The following ARHGEF9 variants were observed in gnomAD, a reference collection of about 807,000 sequenced individuals.
ARHGEF9 encodes Cdc42 guanine nucleotide exchange factor 9.
In ARHGEF9, 2 loss-of-function variants were observed where a neutral mutation model predicts 41.3. That is an observed-to-expected ratio of 0.05 (90% CI 0.02 to 0.15). The LOEUF (loss-of-function observed/expected upper bound fraction) is 0.15, where lower values mean the gene tolerates loss of function less well. Ranked by LOEUF, ARHGEF9 falls within the 10% of genes least tolerant of loss-of-function variation. ARHGEF9 has a pLI of 1.00. For synonymous variants in ARHGEF9, 160 were observed against 154.4 expected, an observed-to-expected ratio of 1.04 and a Z score of -0.27; for missense variants, 225 against 424.7, an observed-to-expected ratio of 0.53 and a Z score of 4.13.
intron 1 of ARHGEF9, among the ~76,000 whole-genome samples, chrX:63,729,528 T>C (rs1438584921): frequency 3.6e-5 from 4 of 111,905 alleles, no homozygotes; most frequent in African/African-American, 9.8e-5. Flanking sequence ...AAAAGGCCAT[T>C]TGGGAGTAGC....
In ARHGEF9 at chrX:63,667,646, C is replaced by A. The variant is rs782366233; in HGVS notation, c.946-1629G>T. Among the ~76,000 whole-genome samples, 3 of 110,509 alleles carry A rather than the reference C, an allele frequency of 2.7e-5. No homozygotes were observed. The South Asian group carries it at 1.2e-3, about 44-fold the overall frequency. On this transcript the variant is annotated intron_variant, in intron 6 of 9. Coordinates refer to ENST00000671741, the MANE Select transcript of ARHGEF9 (RefSeq NM_001353921.2). ...CGAGCATACCATTTTTTTCCCCAGT[C>A]TAAAGGATGGGAAGGAAAGGGGGAA...
At chrX:63,710,823 G>A (rs1289234174) in intron 2 of ARHGEF9, among the ~76,000 whole-genome samples, 1 of 110,741 alleles carries the variant, frequency 9.0e-6, no homozygotes, top group Admixed American at 9.6e-5. Flanking sequence ...TATACTGAAG[G>A]TTCTAGCCAG....
At position 63,756,245 on chromosome X, in the gene ARHGEF9, C is replaced by T. The variant is rs1434902975; in HGVS notation, c.30+28871G>A. Among the ~76,000 whole-genome samples the T allele has an allele frequency of 2.7e-5, 3 of 112,089 alleles. No homozygotes were observed. The Admixed American group carries it at 2.8e-4, about 11-fold the overall frequency. ...TTCAGTGGTTCCCTGGGCCTTCAAACCAAGGATTCCCTTATACAGGAGATC... is the reference window on the plus strand; with the variant it reads ...TTCAGTGGTTCCCTGGGCCTTCAAATCAAGGATTCCCTTATACAGGAGATC... On this transcript the variant is annotated intron_variant, in intron 1 of 9. Transcript: ENST00000671741.
intron 1 of ARHGEF9, among the ~76,000 whole-genome samples, chrX:63,762,387 A>T (rs1402614424): frequency 1.1e-4 from 12 of 111,420 alleles, no homozygotes; most frequent in Admixed American, 4.8e-4. Context: ...ATAGCTGGGG[A>T]GTTTGTAAGA....
intron 6 of ARHGEF9, among the ~76,000 whole-genome samples, chrX:63,673,319 G>C (rs781939775): frequency 9.0e-6 from 1 of 111,299 alleles, no homozygotes; most frequent in Non-Finnish European, 1.9e-5. Context: ...CTCCCTAGTA[G>C]CACGTCCAGC....
chrX:63,760,128 C>A (rs2056009646), intron 1 of ARHGEF9, among the ~76,000 whole-genome samples: 2 of 110,561 alleles, frequency 1.8e-5, no homozygotes, highest in South Asian at 7.8e-4. Flanking sequence ...CTTTGCTTCT[C>A]ATGTTTTGCA....
chrX:63,721,543 T>C (rs782504776), intron 2 of ARHGEF9, among the ~76,000 whole-genome samples: 3 of 110,122 alleles, frequency 2.7e-5, no homozygotes, highest in East Asian at 5.8e-4. Flanking sequence ...CCTCAGGCCA[T>C]GGCCCAAAGT....
intron 7 of ARHGEF9, among the ~76,000 whole-genome samples, chrX:63,661,750 C>T (rs782510753): frequency 9.0e-6 from 1 of 110,673 alleles, no homozygotes; most frequent in East Asian, 2.9e-4. Context: ...TACTCTCTTG[C>T]TCTCCTTTTC....
intron 4 of ARHGEF9, among the ~76,000 whole-genome samples, chrX:63,682,420 C>A (rs1198924842): frequency 2.7e-5 from 3 of 109,330 alleles, no homozygotes; most frequent in African/African-American, 1.0e-4. Context: ...GAGGCCGAGG[C>A]AGGAGAATGG....
intron 1 of ARHGEF9, among the ~76,000 whole-genome samples, chrX:63,783,093 C>T (rs1240671664): frequency 8.9e-6 from 1 of 111,842 alleles, no homozygotes; most frequent in Admixed American, 9.5e-5. Context: ...ATGTCTGCCA[C>T]CCTTTTCTCT....
intron 7 of ARHGEF9, chrX:63,656,382 C>T (rs1196133366): frequency 8.9e-6 from 1 of 112,213 alleles, no homozygotes; most frequent in Non-Finnish European, 1.9e-5. Flanking sequence ...AACAGTATGT[C>T]GCCTATTTGT....
intron 1 of ARHGEF9, among the ~76,000 whole-genome samples, chrX:63,757,964 G>A (rs2055964599): frequency 8.9e-6 from 1 of 112,171 alleles, no homozygotes; most frequent in Non-Finnish European, 1.9e-5. Context: ...ATATGCACAT[G>A]CACAGTATTT....
chrX:63,767,112 A>G, intron 1 of ARHGEF9: 1 of 966,574 alleles, frequency 1.0e-6, no homozygotes, highest in African/African-American at 1.9e-5. Flanking sequence ...AGCAGTGAAC[A>G]CTTTCACCAT....
intron 8 of ARHGEF9, among the ~76,000 whole-genome samples, chrX:63,653,760 C>T (rs1209863123): frequency 5.0e-4 from 55 of 110,700 alleles, no homozygotes; most frequent in Non-Finnish European, 1.9e-4. Context: ...TATATATTTC[C>T]ATATTTGTTT....
At position 63,636,811 on chromosome X, in the gene ARHGEF9, C is replaced by A. The variant is rs1556298327; in HGVS notation, c.*1217G>T. 2 of 297,326 alleles carry A rather than the reference C, an allele frequency of 6.7e-6. No homozygotes were observed. Among genetic ancestry groups the A allele is most frequent in the Non-Finnish European group, 1.2e-5 (2 of 170,199 alleles). 24.5% of individuals were successfully genotyped at this position (297,326 alleles called of 1,213,427 possible). A position where few individuals can be genotyped will look rare whatever the true frequency, so the allele number is the denominator to read the frequency against. On this transcript the variant is annotated 3_prime_UTR_variant, in exon 10 of 10. Transcript: ENST00000671741. ...GTTCTTTCTTGTAAAAGGTTACTAT[C>A]AGACTTGGACCCTGTCCAGGTCAAT... is the stretch of plus-strand genomic sequence containing the variant.
At chrX:63,750,654 C>A (rs2055567420) in intron 1 of ARHGEF9, among the ~76,000 whole-genome samples, 1 of 110,939 alleles carries the variant, frequency 9.0e-6, no homozygotes, top group African/African-American at 3.3e-5. Flanking sequence ...TCACTTCACC[C>A]CCTCCCTGAT....
At chrX:63,720,138 G>A (rs781870431) in intron 2 of ARHGEF9, among the ~76,000 whole-genome samples, 9 of 111,690 alleles carry the variant, frequency 8.1e-5, no homozygotes, top group African/African-American at 2.9e-4. Context: ...GGAGGAGAAG[G>A]CTGAGACAGA....
intron 6 of ARHGEF9, among the ~76,000 whole-genome samples, chrX:63,669,103 C>G (rs1246937858): frequency 8.9e-6 from 1 of 112,260 alleles, no homozygotes; most frequent in East Asian, 2.8e-4. Flanking sequence ...CCTGTTTGAC[C>G]CACTTCACAT....
At chrX:63,774,799 G>T (rs1464734285) in intron 1 of ARHGEF9, among the ~76,000 whole-genome samples, 5 of 111,797 alleles carry the variant, frequency 4.5e-5, no homozygotes, top group Non-Finnish European at 9.4e-5. Context: ...AACAGCAATT[G>T]CAACAAAAAC....
Sources: gnomAD v4.1 joint callset for allele counts (sites outside exome capture counted in the v4.1 genomes callset) on GRCh38, gnomAD v4.1.1 for gene constraint, MANE v1.5 for transcripts, NCBI Gene and HGNC (gene_info 2026-07-23, HGNC 2026-07-21) for gene names.